The following MAST2 variants were observed in gnomAD, a reference collection of about 807,000 sequenced individuals.
The protein encoded by MAST2 is microtubule associated serine/threonine kinase 2, also known as microtubule-associated serine/threonine-protein kinase 2.
Under a neutral mutation model 147.4 loss-of-function variants are expected in MAST2, and 70 were observed. That is an observed-to-expected ratio of 0.47 (90% CI 0.39 to 0.58). The LOEUF is 0.58. Among genes scored for constraint, MAST2 ranks in the 20% least tolerant of loss-of-function variants. MAST2 has a pLI of 0.00. For synonymous variants in MAST2, 869 were observed against 896.8 expected (o/e 0.97, Z 0.55); for missense variants, 2,080 against 2,302.3 (o/e 0.90, Z 1.98).
intron 3 of MAST2, among the ~76,000 whole-genome samples, chr1:45,844,123 A>G (rs1052384938): frequency 6.6e-6 from 1 of 152,122 alleles, no homozygotes; most frequent in Non-Finnish European, 1.5e-5. Flanking sequence ...TTTTTGAGAC[A>G]GGATCTTGCT....
intron 5 of MAST2, among the ~76,000 whole-genome samples, chr1:45,970,247 A>G (rs115058617): frequency 6.6e-4 from 101 of 152,170 alleles, no homozygotes; most frequent in Middle Eastern, 3.4e-3. Flanking sequence ...GAGCCCCCCC[A>G]TGACTAGATC....
chr1:45,813,425 G>A (rs551102663), intron 1 of MAST2, among the ~76,000 whole-genome samples: 12 of 151,602 alleles, frequency 7.9e-5, no homozygotes, highest in African/African-American at 2.9e-4. Context: ...TGCCTCCTGG[G>A]TTCAAGCAAT....
intron 3 of MAST2, among the ~76,000 whole-genome samples, chr1:45,851,963 A>G (rs1166189093): frequency 6.6e-6 from 1 of 152,014 alleles, no homozygotes; most frequent in Non-Finnish European, 1.5e-5. Context: ...TTTTTCAGTT[A>G]TTTAGCCTTT....
chr1:45,806,749 C>T (rs1266038476), intron 1 of MAST2, among the ~76,000 whole-genome samples: 1 of 151,996 alleles, frequency 6.6e-6, no homozygotes, highest in Non-Finnish European at 1.5e-5. Flanking sequence ...GGCTAATTCT[C>T]TATTTTTAGT....
At chr1:45,905,934 A>C (rs572517309) in intron 4 of MAST2, among the ~76,000 whole-genome samples, 1 of 152,320 alleles carries the variant, frequency 6.6e-6, no homozygotes, top group East Asian at 1.9e-4. Context: ...CGAGGGTTCC[A>C]GTTGGCCCAC....
At position 46,005,661 on chromosome 1, in the gene MAST2, T is replaced by G. The variant is rs555665090; in HGVS notation, c.748-580T>G. Among the ~76,000 whole-genome samples, 4 of 152,304 alleles carry G rather than the reference T, an allele frequency of 2.6e-5. No individual in the cohort carries two copies. In the South Asian group the frequency reaches 6.2e-4, roughly 24 times the overall value. On this transcript the variant is annotated intron_variant, in intron 7 of 28. Transcript: ENST00000361297. ...GTCAAGCCTAATCTTCAGGTCCAGA[T>G]GTAAAAGTAATTTTCTTCCCTGCTG...
chr1:46,035,047 G>A lies in MAST2; in HGVS notation c.4378G>A (p.Gly1460Ser). ...EVVGARSVLS[G>S]KGALPGKGVL... ...AGTTGGAGCCAGGAGTGTGCTGTCT[G>A]GCAAGGGGGCCCTGCCAGGGAAGGG... The change falls in exon 29 of 29, where the codon GGC (glycine) becomes AGC (serine). Residue 1460 changes from glycine (G) to serine (S), a missense_variant. By Grantham distance (56) the Gly-to-Ser change is moderately conservative (BLOSUM62 0). Transcript: ENST00000361297. This position sits in a 1 kb window ranked among gnomAD's most constrained non-coding sequence, Gnocchi z 5.5. The A allele has an allele frequency of 1.2e-6, 2 of 1,613,944 alleles. No individual in the cohort carries two copies. The highest frequency in any genetic ancestry group is 1.7e-6 in the Non-Finnish European group (2 of 1,180,000).
rs750663724 is a variant in MAST2 at position 45,804,026 on chromosome 1, G to C, written c.131G>C (p.Arg44Pro). ...CGGCGAGCGCCGCCCGGGAGGCAGC[G>C]GCTGGAGGAGCGGACGGGCCCCGCG... ...PRRRAPPGRQ[R>P]LEERTGPAGP... The change falls in exon 1 of 29, where the codon CGG becomes CCG. Residue 44 changes from arginine (R) to proline (P), a missense_variant. By Grantham distance (103) the Arg-to-Pro change is moderately radical. Transcript: ENST00000361297. The C allele has an allele frequency of 8.0e-7, 1 of 1,245,204 alleles. No homozygotes were observed. Among genetic ancestry groups the C allele is most frequent in the South Asian group, 2.6e-5 (1 of 38,012 alleles). The allele number at this position is 1,245,204 out of a possible 1,614,324, so 77.1% of individuals were successfully genotyped here. A position where few individuals can be genotyped will look rare whatever the true frequency, so the allele number is the denominator to read the frequency against.
chr1:45,861,763 C>A (rs976566797), intron 3 of MAST2, among the ~76,000 whole-genome samples: 1 of 151,968 alleles, frequency 6.6e-6, no homozygotes, highest in African/African-American at 2.4e-5. Flanking sequence ...GAGTTAAATG[C>A]AAGCTGGAAG....
At chr1:45,958,465 C>G (rs1054068277) in intron 4 of MAST2, among the ~76,000 whole-genome samples, 3 of 151,890 alleles carry the variant, frequency 2.0e-5, no homozygotes, top group African/African-American at 7.3e-5. Flanking sequence ...CTAGTTAGCA[C>G]TCCCACACCA....
At chr1:45,888,983 TCTCTTTCTTTATACTACCA>T (rs1307792324) in intron 4 of MAST2, among the ~76,000 whole-genome samples, 1 of 152,028 alleles carries the variant, frequency 6.6e-6, no homozygotes, top group Non-Finnish European at 1.5e-5. Context: ...GCTGGTGTTC[TCTCTTTCTTTATACTACCA>T]CTGGTTTGTC....
intron 4 of MAST2, among the ~76,000 whole-genome samples, chr1:45,883,473 C>A (rs193025790): frequency 1.3e-5 from 2 of 152,254 alleles, no homozygotes; most frequent in East Asian, 3.9e-4. Context: ...TCAGTCTTGA[C>A]CATGCCATTT....
chr1:45,826,264 A>G (rs901576517), intron 2 of MAST2, among the ~76,000 whole-genome samples: 3 of 152,084 alleles, frequency 2.0e-5, no homozygotes, highest in East Asian at 1.9e-4. Context: ...GGAATTTTCC[A>G]TTTATCTGAT....
intron 6 of MAST2, among the ~76,000 whole-genome samples, chr1:45,999,709 T>C (rs1645195608): frequency 6.6e-6 from 1 of 152,244 alleles, no homozygotes; most frequent in Admixed American, 6.5e-5. Flanking sequence ...TCATATCTCA[T>C]CTTAAATGTC....
In MAST2 at chr1:46,035,507, C is replaced by T. The variant is rs12756065; in HGVS notation, c.4838C>T (p.Pro1613Leu). Reference sequence around the variant, plus strand: ...TCTGGAGCCACAGACCCCATCCCTCCTGAAGGTTGCTGGAAGGCCCAGCAC... The same window carrying T: ...TCTGGAGCCACAGACCCCATCCCTCTTGAAGGTTGCTGGAAGGCCCAGCAC... Reference protein sequence around the residue: ...GQSGATDPIPPEGCWKAQHLH... With the variant: ...GQSGATDPIPLEGCWKAQHLH... The change falls in exon 29 of 29, where the codon CCT (proline) becomes CTT (leucine). Residue 1613 changes from proline (P) to leucine (L), a missense_variant. Pro to Leu is a moderately conservative substitution (Grantham distance 98). Coordinates refer to ENST00000361297, the MANE Select transcript of MAST2 (RefSeq NM_015112.3). The surrounding 1 kb of genome is among the most constrained non-coding windows in gnomAD (Gnocchi z 5.5). The T allele has an allele frequency of 1.2e-6, 2 of 1,613,358 alleles. No homozygotes were observed. The highest frequency in any genetic ancestry group is 2.2e-5 in the South Asian group (2 of 91,076).
chr1:45,956,117 C>G (rs1030813695), intron 4 of MAST2, among the ~76,000 whole-genome samples: 1 of 152,174 alleles, frequency 6.6e-6, no homozygotes, highest in Non-Finnish European at 1.5e-5. Flanking sequence ...ATCAACTAAA[C>G]AATTTGTCCT....
In MAST2 at chr1:46,035,447, C is replaced by T. The variant is rs569958857; in HGVS notation, c.4778C>T (p.Ala1593Val). Residue 1593 changes from alanine to valine, a missense_variant, in exon 29 of 29, where the codon GCC becomes GTC. Transcript: ENST00000361297. This position sits in a 1 kb window ranked among gnomAD's most constrained non-coding sequence, Gnocchi z 5.5. ...AGCCCACAAGCCATTGAGGAGGCTG[C>T]CAGCTCCTCCTCAGCAGGCCCCAAC... Reference protein sequence around the residue: ...LGSPQAIEEAASSSSAGPNLG... With the variant: ...LGSPQAIEEAVSSSSAGPNLG... 1.2e-6 allele frequency: 2 copies of T among 1,613,088 alleles called. No homozygotes were observed. Among genetic ancestry groups the T allele is most frequent in the Middle Eastern group, 1.6e-4 (1 of 6,084 alleles).
intron 11 of MAST2, 62 bp from the exon 12 acceptor site, chr1:46,021,888 A>G (rs946524): frequency 0.69 from 1,088,260 of 1,577,110 alleles, 377,357 homozygotes; most frequent in Non-Finnish European, 0.7. Flanking sequence ...CTGTAAAACC[A>G]AAGATGCCAG....
In MAST2 at chr1:45,814,367, G is replaced by A. The variant is rs536781580; in HGVS notation, c.178-10066G>A. Among the ~76,000 whole-genome samples the A allele has an allele frequency of 2.0e-5, 3 of 152,276 alleles. No homozygotes were observed. The South Asian group carries it at 6.2e-4, about 32-fold the overall frequency. ...AATACCTTCCCATGGAACAAGATGT[G>A]GAGGTGGAAGACAGTGATATTGATG... is the stretch of plus-strand genomic sequence containing the variant. On this transcript the variant is annotated intron_variant, in intron 1 of 28. Transcript: ENST00000361297.
Sources: gnomAD v4.1 joint callset for allele counts (sites outside exome capture counted in the v4.1 genomes callset) on GRCh38, gnomAD v4.1.1 for gene constraint, Gnocchi (gnomAD v3.1) non-coding constraint, MANE v1.5 for transcripts, NCBI Gene and HGNC (gene_info 2026-07-23, HGNC 2026-07-21) for gene names.